CFAP299: variants seen among roughly 807,000 people sequenced by gnomAD.
CFAP299 encodes cilia- and flagella-associated protein 299.
In CFAP299, 21 loss-of-function variants were observed where a neutral mutation model predicts 27.0. The ratio of observed to expected loss-of-function variants is 0.78; its 90% confidence interval spans 0.55 to 1.12. CFAP299 has a LOEUF of 1.12. Among genes scored for constraint, CFAP299 ranks in the 50% most tolerant of loss-of-function variants. CFAP299 has a pLI of 0.00. For synonymous variants in CFAP299, 104 were observed against 98.1 expected, an observed-to-expected ratio of 1.06 and a Z score of -0.36; for missense variants, 310 against 276.6, an observed-to-expected ratio of 1.12 and a Z score of -0.86.
At chr4:80,528,941 G>C (rs1273921283) in intron 2 of CFAP299, among the ~76,000 whole-genome samples, 1 of 152,068 alleles carries the variant, frequency 6.6e-6, no homozygotes, top group African/African-American at 2.4e-5. Context: ...TTGCCACCTT[G>C]ATGATCCCAA....
At position 80,774,530 on chromosome 4, in the gene CFAP299, A is replaced by G. The variant is rs563549948; in HGVS notation, c.334-95463A>G. ...ACGATTCTTTGGACAAAGACCTTAAACAATTCACAGAAGAATTAGAAGTGG... is the reference window on the plus strand; with the variant it reads ...ACGATTCTTTGGACAAAGACCTTAAGCAATTCACAGAAGAATTAGAAGTGG... On this transcript the variant is annotated intron_variant, in intron 3 of 5. Coordinates refer to ENST00000358105, the MANE Select transcript of CFAP299 (RefSeq NM_152770.3). Among the ~76,000 whole-genome samples the G allele has an allele frequency of 6.6e-5, 10 of 152,100 alleles. No homozygotes were observed. In the South Asian group the frequency reaches 1.9e-3, roughly 28 times the overall value.
chr4:80,387,542 T>G, intron 2 of CFAP299: 3 of 898,332 alleles, frequency 3.3e-6, no homozygotes, highest in Non-Finnish European at 1.8e-6. Context: ...CCCAACCCTG[T>G]GTTTTCCTCA....
At chr4:80,821,053 G>A (rs997666456) in intron 3 of CFAP299, among the ~76,000 whole-genome samples, 1 of 152,158 alleles carries the variant, frequency 6.6e-6, no homozygotes, top group African/African-American at 2.4e-5. Flanking sequence ...ATCAGGAAAA[G>A]TGTCAAAGAT....
intron 3 of CFAP299, among the ~76,000 whole-genome samples, chr4:80,669,145 CTTTCTTTTTT>C (rs1741318796): frequency 1.2e-4 from 2 of 16,424 alleles, no homozygotes; most frequent in East Asian, 3.6e-3. Flanking sequence ...TTCTTTCTTT[CTTTCTTTTTT>C]TTTTTTTTTT....
chr4:80,391,856 G>T (rs568030625), intron 2 of CFAP299, among the ~76,000 whole-genome samples: 1 of 152,256 alleles, frequency 6.6e-6, no homozygotes, highest in East Asian at 1.9e-4. Context: ...GACACTCAAT[G>T]TCAGCCAGTG....
intron 4 of CFAP299, among the ~76,000 whole-genome samples, chr4:80,875,684 A>T (rs1011329767): frequency 2.7e-5 from 4 of 148,474 alleles, no homozygotes; most frequent in Admixed American, 1.3e-4. Flanking sequence ...AAAAAAAAAG[A>T]TCTCTCATCT....
At chr4:80,549,545 A>G (rs1350826176) in intron 2 of CFAP299, among the ~76,000 whole-genome samples, 4 of 152,160 alleles carry the variant, frequency 2.6e-5, no homozygotes, top group African/African-American at 9.6e-5. Flanking sequence ...TAAGAGAATT[A>G]AAGAGCGTCT....
intron 3 of CFAP299, among the ~76,000 whole-genome samples, chr4:80,781,500 T>C (rs1726877196): frequency 6.6e-6 from 1 of 152,064 alleles, no homozygotes; most frequent in Non-Finnish European, 1.5e-5. Context: ...GCAGAAGGGA[T>C]AGCCAACAAA....
chr4:80,360,015 A>G (rs1373855961), intron 1 of CFAP299, among the ~76,000 whole-genome samples: 6 of 151,880 alleles, frequency 4.0e-5, no homozygotes, highest in Admixed American at 3.9e-4. Context: ...CTTTTATCCT[A>G]TTTGATGACT....
chr4:80,392,949 T>C (rs1426646604), intron 2 of CFAP299, among the ~76,000 whole-genome samples: 2 of 152,152 alleles, frequency 1.3e-5, no homozygotes, highest in Non-Finnish European at 2.9e-5. Context: ...CTTCAGGAAA[T>C]ATTCCAGAAG....
chr4:80,618,236 C>T (rs1738398703), intron 3 of CFAP299, among the ~76,000 whole-genome samples: 1 of 152,018 alleles, frequency 6.6e-6, no homozygotes, highest in African/African-American at 2.4e-5. Context: ...TAGAGCAAAG[C>T]ATACTTCTTA....
intron 4 of CFAP299, among the ~76,000 whole-genome samples, chr4:80,886,417 A>G (rs1404285300): frequency 1.3e-5 from 2 of 152,238 alleles, no homozygotes; most frequent in Non-Finnish European, 2.9e-5. Context: ...TGCGACACAG[A>G]GAGAAACTTC....
chr4:80,400,325 A>G (rs1220823790), intron 2 of CFAP299, among the ~76,000 whole-genome samples: 1 of 152,034 alleles, frequency 6.6e-6, no homozygotes, highest in Non-Finnish European at 1.5e-5. Flanking sequence ...AATTTTCTCC[A>G]TTTCACAAAT....
At chr4:80,734,061 T>G (rs1249474569) in intron 3 of CFAP299, among the ~76,000 whole-genome samples, 1 of 152,156 alleles carries the variant, frequency 6.6e-6, no homozygotes, top group Non-Finnish European at 1.5e-5. Context: ...CCAGAGTGGT[T>G]GTACTAATTT....
intron 3 of CFAP299, among the ~76,000 whole-genome samples, chr4:80,787,355 C>G (rs1727306411): frequency 6.6e-6 from 1 of 151,584 alleles, no homozygotes; most frequent in Non-Finnish European, 1.5e-5. Flanking sequence ...TAATCTGAAT[C>G]TTAGTAAAAA....
At chr4:80,567,309 C>T (rs1353462135) in intron 2 of CFAP299, among the ~76,000 whole-genome samples, 1 of 151,926 alleles carries the variant, frequency 6.6e-6, no homozygotes. Flanking sequence ...GAAATTTGAC[C>T]CTCATTTCTT....
intron 3 of CFAP299, among the ~76,000 whole-genome samples, chr4:80,815,036 T>G (rs1333627422): frequency 1.3e-5 from 2 of 151,902 alleles, no homozygotes; most frequent in African/African-American, 4.8e-5. Flanking sequence ...AAACCAAACC[T>G]GTCAAACATT....
chr4:80,480,285 T>C (rs1730493943), intron 2 of CFAP299, among the ~76,000 whole-genome samples: 1 of 151,844 alleles, frequency 6.6e-6, no homozygotes, highest in African/African-American at 2.4e-5. Flanking sequence ...TTTTAAAGAG[T>C]TTATTTGAGC....
chr4:80,883,237 C>A (rs1368234699), intron 4 of CFAP299, among the ~76,000 whole-genome samples: 2 of 151,962 alleles, frequency 1.3e-5, no homozygotes, highest in Non-Finnish European at 2.9e-5. Context: ...ACTGTTATAA[C>A]TAAAGATGGC....
Sources: allele counts gnomAD v4.1 joint callset (sites outside exome capture counted in the v4.1 genomes callset), GRCh38; gene constraint gnomAD v4.1.1; transcripts MANE v1.5; gene names NCBI Gene and HGNC (gene_info 2026-07-23, HGNC 2026-07-21).